The following NAXD variants were observed in gnomAD, a reference collection of about 807,000 sequenced individuals.
NAXD encodes the protein ATP-dependent (S)-NAD(P)H-hydrate dehydratase.
In NAXD, 22 loss-of-function variants were observed where a neutral mutation model predicts 35.8. That is an observed-to-expected ratio of 0.62 (90% CI 0.44 to 0.88). NAXD has a LOEUF of 0.88. NAXD is among the 40% of genes least tolerant of loss of function. The pLI, the probability that NAXD is intolerant of heterozygous loss-of-function variation, is 0.00. For synonymous variants in NAXD, 189 were observed against 177.6 expected, an observed-to-expected ratio of 1.06 and a Z score of -0.51; for missense variants, 428 against 437.7, an observed-to-expected ratio of 0.98 and a Z score of 0.20.
intron 5 of NAXD, among the ~76,000 whole-genome samples, chr13:110,632,420 C>CTT (rs1459741517): frequency 6.6e-6 from 1 of 152,166 alleles, no homozygotes; most frequent in African/African-American, 2.4e-5. Flanking sequence ...AGCGGGTTAC[C>CTT]AATGCTGGCT....
At chr13:110,636,258 TG>T (rs2139652863) in intron 8 of NAXD, among the ~76,000 whole-genome samples, 1 of 152,376 alleles carries the variant, frequency 6.6e-6, no homozygotes, top group Admixed American at 6.5e-5. Flanking sequence ...CCTGCTGAGC[TG>T]TGGGGCTGGA....
In NAXD at chr13:110,638,643, C is replaced by A; in HGVS notation, c.*115C>A. 1 of 1,228,732 alleles carries A rather than the reference C, an allele frequency of 8.1e-7. No homozygotes were observed. The highest frequency in any genetic ancestry group is 1.2e-6 in the Non-Finnish European group (1 of 849,398). The allele number at this position is 1,228,732 out of a possible 1,614,324, so 76.1% of individuals were successfully genotyped here. On this transcript the variant is annotated 3_prime_UTR_variant, in exon 10 of 10. Transcript: ENST00000680254. The surrounding 1 kb of genome is among the most constrained non-coding windows in gnomAD (Gnocchi z 5.4). The stretch of plus-strand genomic sequence containing the variant: ...CGTACGGTGCTTGCCAGATTTTCAA[C>A]TTGAGCATAAATTGGTTGCCATTGA...
At position 110,628,665 on chromosome 13, in the gene NAXD, G is replaced by C. The variant is rs1019946653; in HGVS notation, c.441+1118G>C. ...GGAGTCAGCACGGGAGCCCGTCTTTGAGCTTTAAGGTCTTACCCGCTCACC... is the reference window on the plus strand; with the variant it reads ...GGAGTCAGCACGGGAGCCCGTCTTTCAGCTTTAAGGTCTTACCCGCTCACC... On this transcript the variant is annotated intron_variant, in intron 5 of 9. Coordinates refer to ENST00000680254, the MANE Select transcript of NAXD (RefSeq NM_001242882.2). This position sits in a 1 kb window ranked among gnomAD's most constrained non-coding sequence, Gnocchi z 4.1. Among the ~76,000 whole-genome samples, 1 of 152,140 alleles carries C rather than the reference G, an allele frequency of 6.6e-6. No individual in the cohort carries two copies. Among genetic ancestry groups the C allele is most frequent in the Admixed American group, 6.5e-5 (1 of 15,276 alleles).
chr13:110,621,382 C>A (rs890072745), intron 1 of NAXD, among the ~76,000 whole-genome samples: 1 of 152,172 alleles, frequency 6.6e-6, no homozygotes, highest in Non-Finnish European at 1.5e-5. Context: ...AGATACATTT[C>A]AAAAATAAAC....
intron 3 of NAXD, 146 bp downstream of exon 3, chr13:110,624,425 C>A: frequency 1.7e-6 from 1 of 605,450 alleles, no homozygotes; most frequent in South Asian, 2.0e-5. Context: ...TAAGTCTATC[C>A]TGACATCTGT....
At chr13:110,617,403 C>T (rs1886100873) in intron 1 of NAXD, among the ~76,000 whole-genome samples, 1 of 152,174 alleles carries the variant, frequency 6.6e-6, no homozygotes, top group Non-Finnish European at 1.5e-5. Flanking sequence ...CGCCTATTGT[C>T]AAGGCCTTTT....
chr13:110,615,891 A>C, intron 1 of NAXD: 1 of 868,970 alleles, frequency 1.2e-6, no homozygotes, highest in Non-Finnish European at 1.5e-6. Flanking sequence ...GAGAGGACGG[A>C]GGCCTCCTGG....
Position 110,638,115 on chromosome 13 carries a change from TG to T in NAXD, c.840-261del. 3 of 940,888 alleles carry T rather than the reference TG, an allele frequency of 3.2e-6. No individual in the cohort carries two copies. The highest frequency in any genetic ancestry group is 4.9e-6 in the Non-Finnish European group (3 of 612,718). 58.3% of individuals were successfully genotyped at this position (940,888 alleles called of 1,614,324 possible). On this transcript the variant is annotated intron_variant, in intron 9 of 9. Transcript: ENST00000680254. This position sits in a 1 kb window ranked among gnomAD's most constrained non-coding sequence, Gnocchi z 5.4. ...CCGCCTGGCTTTCCCCGGGAACACC[TG>T]GCCCACTGTGTGCCCTAGCCCTGGA...
Position 110,615,658 on chromosome 13 carries a change from T to C in NAXD, c.46+11T>C, listed in dbSNP as rs916254336. The C allele has an allele frequency of 2.0e-6, 3 of 1,514,348 alleles. No homozygotes were observed. The highest frequency in any genetic ancestry group is 1.4e-5 in the African/African-American group (1 of 69,942). The allele number at this position is 1,514,348 out of a possible 1,614,324, so 93.8% of individuals were successfully genotyped here. ...GGGCTTGCAGACGAGGTAAGGTCGA[T>C]TCCATTTGGCCCGGGGATGGTCACA... On this transcript the variant is annotated intron_variant, in intron 1 of 9. Transcript: ENST00000680254.
rs767483578 is a variant in NAXD, at chr13:110,625,319, C to G, written c.332+41C>G. The G allele has an allele frequency of 2.2e-6, 3 of 1,384,696 alleles. No individual in the cohort carries two copies. The Admixed American group carries it at 5.1e-5, about 24-fold the overall frequency. 85.8% of individuals were successfully genotyped at this position (1,384,696 alleles called of 1,614,324 possible). The stretch of plus-strand genomic sequence containing the variant: ...CCGGCTTCTCGTAGGTTCTCTTTCC[C>G]TCCTGCATCATTTGGGGTTTTGGCA... On this transcript the variant is annotated intron_variant, in intron 4 of 9. Transcript: ENST00000680254.
chr13:110,619,439 G>C (rs1425909300), intron 1 of NAXD, among the ~76,000 whole-genome samples: 1 of 151,970 alleles, frequency 6.6e-6, no homozygotes, highest in Admixed American at 6.6e-5. Context: ...CATCAGGCAG[G>C]GTACATTGAT....
In NAXD at chr13:110,638,490, G is replaced by A. The variant is rs140794266; in HGVS notation, c.952G>A (p.Glu318Lys). The change falls in exon 10 of 10, where the codon GAG becomes AAG. Residue 318 changes from glutamate (E) to lysine (K), a missense_variant. Physicochemically the swap from Glu to Lys is moderately conservative, Grantham distance 56. Transcript: ENST00000680254. This position sits in a 1 kb window ranked among gnomAD's most constrained non-coding sequence, Gnocchi z 5.4. ...RSTTTSDMIA[E>K]VGAAFSKLFE... ...CACCACCACCTCCGACATGATCGCC[G>A]AGGTGGGGGCCGCCTTCAGCAAGCT... 2 of 1,612,974 alleles carry A rather than the reference G, an allele frequency of 1.2e-6. No individual in the cohort carries two copies. The highest frequency in any genetic ancestry group is 1.7e-6 in the Non-Finnish European group (2 of 1,179,886).
intron 1 of NAXD, among the ~76,000 whole-genome samples, chr13:110,617,398 A>C (rs1193121752): frequency 6.6e-6 from 1 of 152,176 alleles, no homozygotes. Flanking sequence ...TAAGTCGCCT[A>C]TTGTCAAGGC....
rs7992689 is a variant in NAXD at position 110,626,324 on chromosome 13, G to A, written c.332+1046G>A. On this transcript the variant is annotated intron_variant, in intron 4 of 9. Coordinates refer to ENST00000680254, the MANE Select transcript of NAXD (RefSeq NM_001242882.2). The stretch of plus-strand genomic sequence containing the variant: ...GACAGATTGGATTGGAAAAGGCAAG[G>A]GGCACAGACTCCACCAAGGGTTTTG... Among the ~76,000 whole-genome samples, 1,270 of 152,196 alleles carry A rather than the reference G, an allele frequency of 8.3e-3. 23 individuals carry two copies. Among genetic ancestry groups the A allele is most frequent in the African/African-American group, 0.029 (1,203 of 41,506 alleles).
At chr13:110,633,328 G>A (rs996011489) in intron 5 of NAXD, among the ~76,000 whole-genome samples, 27 of 152,290 alleles carry the variant, frequency 1.8e-4, no homozygotes, top group Non-Finnish European at 2.8e-4. Flanking sequence ...CTCCGAGTGC[G>A]GGGCCCGCCA....
In NAXD at chr13:110,615,572, G is replaced by C. The variant is rs1008348068; in HGVS notation, c.-30G>C. ...TGGCTGTGTTTCCGGCGACGGCGCG[G>C]GGGCAGCTGGGAATCCGGAATGCTG... On this transcript the variant is annotated 5_prime_UTR_variant, in exon 1 of 10. Coordinates refer to ENST00000680254, the MANE Select transcript of NAXD (RefSeq NM_001242882.2). 1.3e-5 allele frequency: 18 copies of C among 1,339,520 alleles called. No individual in the cohort carries two copies. Among genetic ancestry groups the C allele is most frequent in the Admixed American group, 3.9e-5 (1 of 25,912 alleles). The allele number at this position is 1,339,520 out of a possible 1,614,324, so 83.0% of individuals were successfully genotyped here. A position where few individuals can be genotyped will look rare whatever the true frequency, so the allele number is the denominator to read the frequency against.
intron 1 of NAXD, among the ~76,000 whole-genome samples, chr13:110,619,824 A>T (rs1054989572): frequency 6.6e-6 from 1 of 152,008 alleles, no homozygotes; most frequent in Non-Finnish European, 1.5e-5. Flanking sequence ...TTGAGACAAG[A>T]GTCTCGCTGT....
chr13:110,619,071 C>G (rs1456222026), intron 1 of NAXD, among the ~76,000 whole-genome samples: 2 of 152,196 alleles, frequency 1.3e-5, no homozygotes, highest in African/African-American at 4.8e-5. Context: ...CTCCCCTCCA[C>G]CTGACAGGTG....
In NAXD at chr13:110,634,770, C is replaced by A; in HGVS notation, c.591C>A (p.Asp197Glu). ...PNHVEFSRLY[D>E]AVLRGPMDSD... ...ACGTGGAGTTCAGCAGACTGTATGA[C>A]GCTGTGGTGAGTCAGTGGACCCCCT... Residue 197 changes from aspartate to glutamate, a missense_variant, in exon 7 of 10, where the codon GAC becomes GAA. By Grantham distance (45) the Asp-to-Glu change is conservative (BLOSUM62 2). Coordinates refer to ENST00000680254, the MANE Select transcript of NAXD (RefSeq NM_001242882.2). The A allele has an allele frequency of 6.2e-7, 1 of 1,612,206 alleles. No homozygotes were observed. Among genetic ancestry groups the A allele is most frequent in the South Asian group, 1.1e-5 (1 of 91,006 alleles).
Sources: allele counts gnomAD v4.1 joint callset (sites outside exome capture counted in the v4.1 genomes callset), GRCh38; gene constraint gnomAD v4.1.1; non-coding constraint Gnocchi (gnomAD v3.1); transcripts MANE v1.5; gene names NCBI Gene and HGNC (gene_info 2026-07-23, HGNC 2026-07-21).